CLASP1: variants seen among roughly 807,000 people sequenced by gnomAD.
CLASP1 encodes CLIP-associating protein 1.
In CLASP1, 38 loss-of-function variants were observed where a neutral mutation model predicts 192.3. That is an observed-to-expected ratio of 0.20 (90% CI 0.15 to 0.26). CLASP1 has a LOEUF of 0.26. CLASP1 is among the 10% of genes least tolerant of loss of function. The probability of loss-of-function intolerance (pLI) is 1.00; values close to 1 mark genes in which losing one functional copy is unlikely to be tolerated. For missense variants in CLASP1, 1,433 were observed against 1,932.5 expected (o/e 0.74, Z 4.85); for synonymous variants, 691 against 712.8 (o/e 0.97, Z 0.49).
At chr2:121,364,836 T>G in intron 36 of CLASP1, 1 of 495,002 alleles carries the variant, frequency 2.0e-6, no homozygotes, top group South Asian at 2.4e-5. Flanking sequence ...AGCAACTAGA[T>G]GCAGGAATGA....
chr2:121,570,035 AG>A (rs1332785705), intron 2 of CLASP1, among the ~76,000 whole-genome samples: 1 of 152,182 alleles, frequency 6.6e-6, no homozygotes, highest in African/African-American at 2.4e-5. Context: ...CATCTGTCAA[AG>A]GAAGATATTT....
chr2:121,625,426 C>CTTTTTTTTTTTTTTT (rs1559804182), intron 1 of CLASP1, among the ~76,000 whole-genome samples: 2 of 128,278 alleles, frequency 1.6e-5, no homozygotes, highest in African/African-American at 6.6e-5. Flanking sequence ...TTCTTTCTTT[C>CTTTTTTTTTTTTTTT]ATTTTTTTTT....
intron 2 of CLASP1, among the ~76,000 whole-genome samples, chr2:121,536,063 T>A (rs2095059559): frequency 6.6e-6 from 1 of 151,892 alleles, no homozygotes; most frequent in Admixed American, 6.6e-5. Context: ...AGAGTTGTTG[T>A]GGAAAATGGT....
intron 16 of CLASP1, among the ~76,000 whole-genome samples, chr2:121,450,211 G>A (rs1269517757): frequency 1.4e-4 from 22 of 151,986 alleles, no homozygotes. Flanking sequence ...GGCGCCTGTA[G>A]TCCCAGCTAC....
intron 8 of CLASP1, among the ~76,000 whole-genome samples, chr2:121,489,061 G>A (rs1245442031): frequency 6.6e-6 from 1 of 152,136 alleles, no homozygotes; most frequent in Non-Finnish European, 1.5e-5. Context: ...CACAACTTAA[G>A]TCAAATGCTA....
intron 19 of CLASP1, among the ~76,000 whole-genome samples, chr2:121,433,580 C>T (rs1330973225): frequency 6.6e-6 from 1 of 152,092 alleles, no homozygotes; most frequent in African/African-American, 2.4e-5. Flanking sequence ...CACGGCAAAA[C>T]CCCATCTCTA....
At chr2:121,439,939 G>T (rs1218924302) in intron 19 of CLASP1, among the ~76,000 whole-genome samples, 1 of 116,592 alleles carries the variant, frequency 8.6e-6, no homozygotes, top group Non-Finnish European at 1.7e-5. Flanking sequence ...GTCGTGGGGT[G>T]GGGGGAGGGG....
chr2:121,526,212 G>C (rs1309711052), intron 5 of CLASP1, among the ~76,000 whole-genome samples: 1 of 152,218 alleles, frequency 6.6e-6, no homozygotes. Context: ...CAGCCCCCCA[G>C]GTCCCGCTTG....
intron 16 of CLASP1, 41 bp from the exon 17 acceptor site, chr2:121,449,161 C>T (rs768408441): frequency 5.1e-6 from 8 of 1,581,162 alleles, no homozygotes; most frequent in Middle Eastern, 3.4e-4. Context: ...TTCAAGGATC[C>T]AAACAGGTCT....
At chr2:121,629,307 A>T (rs1342021675) in intron 1 of CLASP1, among the ~76,000 whole-genome samples, 1 of 151,570 alleles carries the variant, frequency 6.6e-6, no homozygotes, top group Non-Finnish European at 1.5e-5. Context: ...GGAGAATGGC[A>T]TGAATCCGGG....
intron 1 of CLASP1, among the ~76,000 whole-genome samples, chr2:121,645,446 T>C (rs2073007454): frequency 6.6e-6 from 1 of 152,248 alleles, no homozygotes; most frequent in Admixed American, 6.5e-5. Context: ...GATGCTGGAC[T>C]ACTGGGCCTC....
chr2:121,495,050 C>T (rs559181885), intron 8 of CLASP1, among the ~76,000 whole-genome samples: 4 of 150,816 alleles, frequency 2.7e-5, no homozygotes, highest in East Asian at 3.9e-4. Context: ...AGGCCGGGCA[C>T]GGAGGCTCAC....
intron 8 of CLASP1, among the ~76,000 whole-genome samples, chr2:121,492,389 C>CAAAA (rs761378692): frequency 6.1e-4 from 23 of 37,896 alleles, no homozygotes; most frequent in African/African-American, 2.4e-3. Context: ...ACTCCCTCTC[C>CAAAA]AAAAAAAAAA....
chr2:121,402,782 C>T (rs1433802012), intron 26 of CLASP1: 1 of 406,362 alleles, frequency 2.5e-6, no homozygotes, highest in Admixed American at 3.0e-5. Context: ...TTTACCACTA[C>T]CTTAGAGAAA....
chr2:121,438,563 C>T (rs994635035), intron 19 of CLASP1, among the ~76,000 whole-genome samples: 2 of 152,098 alleles, frequency 1.3e-5, no homozygotes, highest in African/African-American at 2.4e-5. Flanking sequence ...ATAACTAAGC[C>T]CTTTTCTGCA....
intron 5 of CLASP1, among the ~76,000 whole-genome samples, chr2:121,526,672 A>T (rs958533242): frequency 6.6e-6 from 1 of 152,160 alleles, no homozygotes; most frequent in South Asian, 2.1e-4. Context: ...TTATAATCTC[A>T]ATTTTGTTTT....
intron 34 of CLASP1, among the ~76,000 whole-genome samples, chr2:121,372,484 A>G (rs1186207184): frequency 6.6e-6 from 1 of 152,212 alleles, no homozygotes; most frequent in Admixed American, 6.5e-5. Flanking sequence ...TGGTATATCC[A>G]AAGTCTCGAT....
intron 37 of CLASP1, among the ~76,000 whole-genome samples, chr2:121,352,784 G>T (rs900836648): frequency 1.3e-5 from 2 of 152,098 alleles, no homozygotes; most frequent in African/African-American, 4.8e-5. Flanking sequence ...CTCCCAAGTA[G>T]CTGGGATTAC....
intron 24 of CLASP1, chr2:121,409,104 G>A (rs916645448): frequency 7.9e-6 from 11 of 1,386,948 alleles, no homozygotes; most frequent in Non-Finnish European, 9.9e-6. Context: ...TATGTCAGAA[G>A]CATATGTAGG....
Sources: allele counts gnomAD v4.1 joint callset (sites outside exome capture counted in the v4.1 genomes callset), GRCh38; gene constraint gnomAD v4.1.1; transcripts MANE v1.5; gene names NCBI Gene and HGNC (gene_info 2026-07-23, HGNC 2026-07-21).